Variants in TRDN observed in about 807,000 individuals in gnomAD.
TRDN encodes triadin.
A neutral mutation model predicts 149.7 loss-of-function variants in TRDN; 161 were observed. That is an observed-to-expected ratio of 1.08 (90% confidence interval 0.95 to 1.23). The LOEUF (loss-of-function observed/expected upper bound fraction) is 1.23, where lower values mean the gene tolerates loss of function less well. Ranked by LOEUF, TRDN falls within the 50% of genes most tolerant of loss-of-function variation. TRDN has a pLI of 0.00. For missense variants in TRDN, 896 were observed against 823.5 expected, an observed-to-expected ratio of 1.09 and a Z score of -1.08; for synonymous variants, 294 against 250.5, an observed-to-expected ratio of 1.17 and a Z score of -1.64.
chr6:123,568,407 G>T (rs567802432), intron 2 of TRDN, among the ~76,000 whole-genome samples: 1 of 152,326 alleles, frequency 6.6e-6, no homozygotes, highest in African/African-American at 2.4e-5. Context: ...GCCCCAGTGA[G>T]GAATCTGTGT....
chr6:123,463,744 G>A (rs1776620134), intron 10 of TRDN, among the ~76,000 whole-genome samples: 1 of 150,698 alleles, frequency 6.6e-6, no homozygotes, highest in African/African-American at 2.4e-5. Context: ...CAAAATAAAT[G>A]TAATTCTGAT....
At chr6:123,351,300 C>A (rs2114294254) in intron 21 of TRDN, 1 of 953,620 alleles carries the variant, frequency 1.0e-6, no homozygotes, top group African/African-American at 1.8e-5. Context: ...TTGCCCTATA[C>A]AACATCTTCT....
chr6:123,252,064 C>G (rs964235332), intron 38 of TRDN, among the ~76,000 whole-genome samples: 1 of 152,052 alleles, frequency 6.6e-6, no homozygotes, highest in East Asian at 1.9e-4. Context: ...CATATGTGGT[C>G]TTTAACAAAT....
chr6:123,224,271 G>T, intron 38 of TRDN, 140 bp from the exon 39 acceptor site: 2 of 728,520 alleles, frequency 2.7e-6, no homozygotes, highest in Non-Finnish European at 4.5e-6. Flanking sequence ...ATAAATAAGA[G>T]CTGTCTGACC....
intron 18 of TRDN, among the ~76,000 whole-genome samples, chr6:123,376,693 TATA>T (rs1781520169): frequency 6.6e-6 from 1 of 152,168 alleles, no homozygotes; most frequent in African/African-American, 2.4e-5. Flanking sequence ...CAGGATATTT[TATA>T]ATCTTTAAAA....
At chr6:123,426,972 CATTATAAATAA>C (rs143554746) in intron 12 of TRDN, among the ~76,000 whole-genome samples, 1,985 of 152,082 alleles carry the variant, frequency 0.013, 39 homozygotes, top group African/African-American at 0.045. Flanking sequence ...CTATTTTTTG[CATTATAAATAA>C]TTATTAAACT....
intron 12 of TRDN, among the ~76,000 whole-genome samples, chr6:123,413,656 C>T (rs1305505619): frequency 6.6e-6 from 1 of 152,076 alleles, no homozygotes; most frequent in Non-Finnish European, 1.5e-5. Flanking sequence ...GTGTTTAATA[C>T]AGCCAGTTGG....
chr6:123,408,802 G>C (rs1460707807), intron 12 of TRDN, among the ~76,000 whole-genome samples: 1 of 152,064 alleles, frequency 6.6e-6, no homozygotes, highest in Non-Finnish European at 1.5e-5. Flanking sequence ...ATCTTTAAGA[G>C]TAATAATCTC....
At chr6:123,327,515 A>T (rs1360498765) in intron 23 of TRDN, among the ~76,000 whole-genome samples, 2 of 152,110 alleles carry the variant, frequency 1.3e-5, no homozygotes, top group Admixed American at 6.6e-5. Flanking sequence ...GGATTTCAAA[A>T]TTTTTTTCAT....
intron 1 of TRDN, among the ~76,000 whole-genome samples, chr6:123,627,291 C>CT (rs1785727616): frequency 3.3e-5 from 5 of 152,040 alleles, no homozygotes; most frequent in Admixed American, 6.6e-5. Flanking sequence ...CCATGAGCTG[C>CT]AAAAATGATC....
At chr6:123,489,224 GC>G (rs1353531857) in intron 9 of TRDN, among the ~76,000 whole-genome samples, 6 of 151,474 alleles carry the variant, frequency 4.0e-5, no homozygotes, top group African/African-American at 1.5e-4. Context: ...AAAAGAGAAA[GC>G]AAAAAAGGGA....
chr6:123,381,743 G>A (rs1781728194), intron 15 of TRDN, among the ~76,000 whole-genome samples: 1 of 151,982 alleles, frequency 6.6e-6, no homozygotes, highest in South Asian at 2.1e-4. Flanking sequence ...ATTCAAGACC[G>A]AAAGGAAGAA....
intron 10 of TRDN, 85 bp downstream of exon 10, chr6:123,464,821 C>A (rs1182788475): frequency 6.6e-7 from 1 of 1,519,432 alleles, no homozygotes; most frequent in Non-Finnish European, 8.8e-7. Flanking sequence ...TTTGCTGTTT[C>A]TTTGTGACTA....
chr6:123,563,948 A>G (rs933719403), intron 2 of TRDN, among the ~76,000 whole-genome samples: 5 of 152,222 alleles, frequency 3.3e-5, no homozygotes, highest in African/African-American at 1.2e-4. Context: ...TATTAAAACA[A>G]CAATAAAAAC....
rs777564813 is a variant in TRDN at position 123,249,848 on chromosome 6, C to T, written c.1975+2564G>A. On this transcript the variant is annotated intron_variant, in intron 38 of 40. Coordinates refer to ENST00000334268, the MANE Select transcript of TRDN (RefSeq NM_006073.4). ...GAAAGAAATAAATAGAATGTCCCAG[C>T]CAGAACAATGAAACAGGATAAAGAA... Among the ~76,000 whole-genome samples the T allele has an allele frequency of 3.0e-4, 45 of 152,048 alleles. 1 individual carries two copies. Among genetic ancestry groups the T allele is most frequent in the Non-Finnish European group, 5.1e-4 (35 of 67,992 alleles).
At chr6:123,345,411 GATTT>G (rs1171197878) in intron 21 of TRDN, among the ~76,000 whole-genome samples, 7 of 151,802 alleles carry the variant, frequency 4.6e-5, no homozygotes, top group East Asian at 3.9e-4. Context: ...CTCTTTCATT[GATTT>G]ATTTGTCTAT....
At chr6:123,479,975 C>T (rs1468508404) in intron 9 of TRDN, among the ~76,000 whole-genome samples, 4 of 151,842 alleles carry the variant, frequency 2.6e-5, no homozygotes, top group South Asian at 2.1e-4. Context: ...GTTATGGTAA[C>T]GCAATATTCA....
In TRDN at chr6:123,464,986, A is replaced by G; in HGVS notation, c.854-3T>C. The G allele has an allele frequency of 1.3e-6, 2 of 1,585,250 alleles. No individual in the cohort carries two copies. The highest frequency in any genetic ancestry group is 1.7e-6 in the Non-Finnish European group (2 of 1,165,034). On this transcript the variant is annotated splice_region_variant and splice_polypyrimidine_tract_variant and intron_variant, in intron 9 of 40. Transcript: ENST00000334268. ...AGGTGGAATGGCTGGGCTTTGTCCT[A>G]CACAATGTAGAAGTAGGAATTGGAA...
At chr6:123,556,610 T>TTCTTCCTCTTCCTCCTATTCC (rs1228998071) in intron 2 of TRDN, among the ~76,000 whole-genome samples, 4 of 151,976 alleles carry the variant, frequency 2.6e-5, no homozygotes, top group African/African-American at 9.7e-5. Context: ...CTCCTCCTTC[T>TTCTTCCTCTTCCTCCTATTCC]TCTTCCTCTT....
Sources: gnomAD v4.1 joint callset for allele counts (sites outside exome capture counted in the v4.1 genomes callset) on GRCh38, gnomAD v4.1.1 for gene constraint, MANE v1.5 for transcripts, NCBI Gene and HGNC (gene_info 2026-07-23, HGNC 2026-07-21) for gene names.